Variants in MAP3K5 observed in about 807,000 individuals in gnomAD.
MAP3K5 encodes the protein mitogen-activated protein kinase kinase kinase 5.
Under a neutral mutation model 158.7 loss-of-function variants are expected in MAP3K5, and 56 were observed. That is an observed-to-expected ratio of 0.35 (90% CI 0.28 to 0.44). The LOEUF is 0.44. MAP3K5 is among the 20% of genes least tolerant of loss of function. MAP3K5 has a pLI of 1.00. For missense variants in MAP3K5, 1,294 were observed against 1,674.8 expected, an observed-to-expected ratio of 0.77 and a Z score of 3.97; for synonymous variants, 579 against 601.7, an observed-to-expected ratio of 0.96 and a Z score of 0.55.
At chr6:136,769,221 A>G (rs1477620700) in intron 1 of MAP3K5, among the ~76,000 whole-genome samples, 4 of 152,242 alleles carry the variant, frequency 2.6e-5, no homozygotes, top group Admixed American at 6.5e-5. Context: ...GAAGCACGAA[A>G]GCATTATGCT....
chr6:136,791,881 C>A lies in MAP3K5; in HGVS notation c.277G>T (p.Val93Leu), dbSNP rs1367317248. 1 of 1,613,582 alleles carries A rather than the reference C, an allele frequency of 6.2e-7. No individual in the cohort carries two copies. Among genetic ancestry groups the A allele is most frequent in the South Asian group, 1.1e-5 (1 of 91,078 alleles). The change falls in exon 1 of 30, where the codon GTG becomes TTG. Residue 93 changes from valine to leucine, a missense_variant. Coordinates refer to ENST00000359015, the MANE Select transcript of MAP3K5 (RefSeq NM_005923.4). The part of the protein sequence containing the change: ...SVGGGSRRTT[V>L]AYVINEASQG... ...CTCGCTTCGTTGATCACATATGCCA[C>A]CGTGGTCCGTCGGCTGCCCCCGCCA...
intron 7 of MAP3K5, among the ~76,000 whole-genome samples, chr6:136,674,809 C>T (rs566571330): frequency 2.2e-4 from 34 of 151,948 alleles, no homozygotes; most frequent in African/African-American, 7.7e-4. Flanking sequence ...CAACATGATG[C>T]TCAAAGGAAA....
intron 25 of MAP3K5, among the ~76,000 whole-genome samples, chr6:136,574,683 CTTTTTTTTTTTTTT>C (rs1223054758): frequency 9.2e-6 from 1 of 108,550 alleles, no homozygotes; most frequent in Non-Finnish European, 1.8e-5. Flanking sequence ...AGATTAAACA[CTTTTTTTTTTTTTT>C]TTTTTTTTTG....
At chr6:136,778,687 A>G (rs1355158046) in intron 1 of MAP3K5, among the ~76,000 whole-genome samples, 6 of 152,210 alleles carry the variant, frequency 3.9e-5, no homozygotes, top group African/African-American at 1.2e-4. Flanking sequence ...ACAGGAGAAC[A>G]TAAGTTATAA....
At chr6:136,750,822 C>T (rs1783173846) in intron 1 of MAP3K5, among the ~76,000 whole-genome samples, 3 of 152,210 alleles carry the variant, frequency 2.0e-5, no homozygotes, top group Admixed American at 6.5e-5. Flanking sequence ...ACAATTGTCT[C>T]CTGCTCCTAA....
intron 23 of MAP3K5, 61 bp downstream of exon 23, chr6:136,592,112 G>A (rs544209183): frequency 2.4e-5 from 35 of 1,440,434 alleles, no homozygotes; most frequent in South Asian, 8.6e-5. Context: ...AGCTGCAGGC[G>A]GTTAGGACAC....
chr6:136,698,909 C>A (rs1780726435), intron 3 of MAP3K5, among the ~76,000 whole-genome samples: 1 of 152,164 alleles, frequency 6.6e-6, no homozygotes, highest in Non-Finnish European at 1.5e-5. Context: ...GGAACAGTTT[C>A]TATCCATCAA....
intron 1 of MAP3K5, among the ~76,000 whole-genome samples, chr6:136,747,313 T>C (rs570763252): frequency 2.2e-4 from 33 of 152,334 alleles, no homozygotes; most frequent in Non-Finnish European, 7.3e-5. Context: ...ATCCATGACA[T>C]TTTCTTATCC....
At chr6:136,667,937 T>C (rs891107912) in intron 8 of MAP3K5, among the ~76,000 whole-genome samples, 1 of 152,156 alleles carries the variant, frequency 6.6e-6, no homozygotes, top group Non-Finnish European at 1.5e-5. Flanking sequence ...TCTTTTAGTC[T>C]GGGCATTTAA....
chr6:136,620,221 G>A (rs1029893904), intron 15 of MAP3K5, among the ~76,000 whole-genome samples: 5 of 152,172 alleles, frequency 3.3e-5, no homozygotes, highest in Non-Finnish European at 7.3e-5. Context: ...AATGAGCTGA[G>A]ATGGGGCCAC....
At chr6:136,679,880 CA>C (rs1422495744) in intron 7 of MAP3K5, among the ~76,000 whole-genome samples, 1 of 151,828 alleles carries the variant, frequency 6.6e-6, no homozygotes, top group Non-Finnish European at 1.5e-5. Flanking sequence ...TTACAATAGC[CA>C]AAAAAGTTGG....
chr6:136,758,564 C>T (rs574199446), intron 1 of MAP3K5, among the ~76,000 whole-genome samples: 3 of 152,314 alleles, frequency 2.0e-5, no homozygotes, highest in African/African-American at 7.2e-5. Flanking sequence ...ATCATTTTTG[C>T]AGTGTGGGCA....
intron 18 of MAP3K5, among the ~76,000 whole-genome samples, chr6:136,610,342 C>A (rs955461896): frequency 6.6e-6 from 1 of 152,092 alleles, no homozygotes; most frequent in Admixed American, 6.5e-5. Flanking sequence ...TTGGTCTCCA[C>A]CCTCCCAGTA....
intron 1 of MAP3K5, among the ~76,000 whole-genome samples, chr6:136,750,022 A>AT (rs1669588724): frequency 6.6e-6 from 1 of 152,104 alleles, no homozygotes; most frequent in Non-Finnish European, 1.5e-5. Context: ...CAAAGCAGAA[A>AT]TTAGAGACAA....
At chr6:136,570,479 G>A (rs1374404349) in intron 25 of MAP3K5, among the ~76,000 whole-genome samples, 1 of 152,298 alleles carries the variant, frequency 6.6e-6, no homozygotes, top group African/African-American at 2.4e-5. Flanking sequence ...TCCCGGTCCT[G>A]TAACATCTAG....
At chr6:136,568,881 A>T (rs1236681606) in intron 25 of MAP3K5, among the ~76,000 whole-genome samples, 1 of 148,380 alleles carries the variant, frequency 6.7e-6, no homozygotes, top group African/African-American at 2.5e-5. Context: ...AAAAAAAAAA[A>T]CTTGGATGAT....
At chr6:136,676,505 A>T (rs1384778978) in intron 7 of MAP3K5, among the ~76,000 whole-genome samples, 1 of 152,192 alleles carries the variant, frequency 6.6e-6, no homozygotes, top group African/African-American at 2.4e-5. Flanking sequence ...TTCAATAAAA[A>T]TACTGATGTT....
intron 14 of MAP3K5, among the ~76,000 whole-genome samples, chr6:136,634,590 T>C (rs549274850): frequency 6.6e-6 from 1 of 152,238 alleles, no homozygotes; most frequent in African/African-American, 2.4e-5. Context: ...TTCTTTTCTT[T>C]TTTTTTTGAG....
chr6:136,690,770 A>C (rs941092089), intron 7 of MAP3K5, among the ~76,000 whole-genome samples: 2 of 152,040 alleles, frequency 1.3e-5, no homozygotes, highest in Admixed American at 6.6e-5. Context: ...GGTATCTTTT[A>C]TATTTATTCA....
Sources: gnomAD v4.1 joint callset for allele counts (sites outside exome capture counted in the v4.1 genomes callset) on GRCh38, gnomAD v4.1.1 for gene constraint, MANE v1.5 for transcripts, NCBI Gene and HGNC (gene_info 2026-07-23, HGNC 2026-07-21) for gene names.